SLC35A5: variants seen among roughly 807,000 people sequenced by gnomAD.
The protein encoded by SLC35A5 is UDP-sugar transporter protein SLC35A5.
SLC35A5 carries 28 observed loss-of-function variants against 36.3 expected under a neutral mutation model. That is an observed-to-expected ratio of 0.77 (90% CI 0.57 to 1.06). SLC35A5 has a LOEUF of 1.06. Among genes scored for constraint, SLC35A5 ranks in the 50% least tolerant of loss-of-function variants. The probability of loss-of-function intolerance (pLI) is 0.00; values close to 1 mark genes in which losing one functional copy is unlikely to be tolerated. For missense variants in SLC35A5, 521 were observed against 499.3 expected (o/e 1.04, Z -0.41); for synonymous variants, 180 against 173.7 (o/e 1.04, Z -0.29).
Position 112,583,625 on chromosome 3 carries a change from C to G in SLC35A5, c.*889C>G, listed in dbSNP as rs748684945. 2 of 152,212 alleles carry G rather than the reference C, an allele frequency of 1.3e-5. No individual in the cohort carries two copies. Among genetic ancestry groups the G allele is most frequent in the Non-Finnish European group, 2.9e-5 (2 of 68,156 alleles). 9.4% of individuals were successfully genotyped at this position (152,212 alleles called of 1,614,324 possible). The stretch of plus-strand genomic sequence containing the variant: ...TTGAAATGCTGGCTTCAGAATCATA[C>G]CAGATTGTCAGTGAAGCTGATGCCT... On this transcript the variant is annotated 3_prime_UTR_variant, in exon 7 of 7. Coordinates refer to ENST00000492406, the MANE Select transcript of SLC35A5 (RefSeq NM_017945.5).
chr3:112,580,857 A>G lies in SLC35A5; in HGVS notation c.740A>G (p.Asn247Ser). ...IVQCFISSMA[N>S]IYNEKILKEG... ...CAGTGTTTTATTTCTTCAATGGCTA[A>G]TATCTATAATGAAAAGATACTGAAG... The change falls in exon 6 of 7, where the codon AAT (asparagine) becomes AGT (serine). Residue 247 changes from asparagine (N) to serine (S), a missense_variant. Physicochemically the swap from Asn to Ser is conservative, Grantham distance 46. Transcript: ENST00000492406. 1.2e-6 allele frequency: 2 copies of G among 1,614,176 alleles called. No homozygotes were observed. Among genetic ancestry groups the G allele is most frequent in the Admixed American group, 3.3e-5 (2 of 60,012 alleles).
chr3:112,569,332 A>G (rs1934334360), intron 3 of SLC35A5, 63 bp downstream of exon 3: 16 of 1,267,552 alleles, frequency 1.3e-5, no homozygotes, highest in East Asian at 2.3e-5. Flanking sequence ...TAGAACTGGA[A>G]GGAACATTTT....
At chr3:112,569,992 C>T (rs1343738356) in intron 3 of SLC35A5, among the ~76,000 whole-genome samples, 5 of 152,224 alleles carry the variant, frequency 3.3e-5, no homozygotes, top group African/African-American at 1.2e-4. Context: ...TCATAAAACT[C>T]AATGCATTAT....
chr3:112,561,822 G>A (rs1181141135), upstream of SLC35A5: 4 of 410,992 alleles, frequency 9.7e-6, no homozygotes, highest in Admixed American at 4.8e-5. Flanking sequence ...GGAGACCTGA[G>A]GTGAGAAGCG....
intron 2 of SLC35A5, among the ~76,000 whole-genome samples, chr3:112,568,467 T>A (rs1934296033): frequency 6.6e-6 from 1 of 152,216 alleles, no homozygotes; most frequent in Non-Finnish European, 1.5e-5. Context: ...TAAGATGAAG[T>A]CATACCAACC....
At chr3:112,571,929 T>G (rs1360831403) in intron 4 of SLC35A5, among the ~76,000 whole-genome samples, 3 of 15,448 alleles carry the variant, frequency 1.9e-4, no homozygotes, top group Non-Finnish European at 1.2e-3. Flanking sequence ...CACAGTTTTT[T>G]TTTTTTTTTT....
intron 5 of SLC35A5, 77 bp downstream of exon 5, chr3:112,574,033 C>A: frequency 1.6e-6 from 2 of 1,272,474 alleles, no homozygotes; most frequent in Non-Finnish European, 2.3e-6. Context: ...ACCCAGAACA[C>A]TGAGCCGTCA....
At chr3:112,563,277 G>C (rs1381758732) in intron 1 of SLC35A5, 108 bp from the exon 2 acceptor site, 1 of 992,532 alleles carries the variant, frequency 1.0e-6, no homozygotes, top group Non-Finnish European at 1.4e-6. Context: ...TGCTGATATA[G>C]TCATAGCCAA....
chr3:112,569,660 C>G (rs1228899605), intron 3 of SLC35A5, among the ~76,000 whole-genome samples: 1 of 152,226 alleles, frequency 6.6e-6, no homozygotes, highest in Non-Finnish European at 1.5e-5. Context: ...AGTGCACAGG[C>G]ATCAAAGAGA....
intron 6 of SLC35A5, among the ~76,000 whole-genome samples, chr3:112,581,721 A>G (rs1934940236): frequency 6.6e-6 from 1 of 152,150 alleles, no homozygotes; most frequent in South Asian, 2.1e-4. Flanking sequence ...TTTCTTTTCC[A>G]CCATAGTTAG....
intron 3 of SLC35A5, among the ~76,000 whole-genome samples, chr3:112,569,984 A>G (rs1467846290): frequency 1.3e-5 from 2 of 152,202 alleles, no homozygotes; most frequent in Non-Finnish European, 2.9e-5. Flanking sequence ...TCTTAATCTC[A>G]TAAAACTCAA....
rs1371833928 is a variant in SLC35A5, at chr3:112,580,692, G to A, written c.575G>A (p.Cys192Tyr). 6.2e-7 allele frequency: 1 copy of A among 1,614,080 alleles called. No homozygotes were observed. The highest frequency in any genetic ancestry group is 1.7e-5 in the Admixed American group (1 of 60,006). Reference sequence around the variant, plus strand: ...GCCTTTTTCAGCCCTTCCAATTCCTGCCTTCTTTTCAGAAGTGAGTGTCCC... The same window carrying A: ...GCCTTTTTCAGCCCTTCCAATTCCTACCTTCTTTTCAGAAGTGAGTGTCCC... The part of the protein sequence containing the change: ...HDAFFSPSNS[C>Y]LLFRSECPRK... Residue 192 changes from cysteine (C) to tyrosine (Y), a missense_variant, in exon 6 of 7, where the codon TGC becomes TAC. Cys to Tyr is a radical substitution (Grantham distance 194, BLOSUM62 -2). Coordinates refer to ENST00000492406, the MANE Select transcript of SLC35A5 (RefSeq NM_017945.5).
chr3:112,569,544 A>T (rs534903948), intron 3 of SLC35A5, among the ~76,000 whole-genome samples: 150 of 152,332 alleles, frequency 9.8e-4, no homozygotes, highest in African/African-American at 3.4e-3. Flanking sequence ...TGATAGTTTC[A>T]TACAGTAAGT....
At chr3:112,572,118 A>G (rs1395573981) in intron 4 of SLC35A5, among the ~76,000 whole-genome samples, 1 of 148,664 alleles carries the variant, frequency 6.7e-6, no homozygotes, top group Admixed American at 6.7e-5. Flanking sequence ...AATTTTTTGT[A>G]TTTTTAGTAG....
intron 4 of SLC35A5, among the ~76,000 whole-genome samples, 194 bp from the exon 5 acceptor site, chr3:112,573,695 A>G (rs1402536484): frequency 3.3e-5 from 5 of 152,266 alleles, no homozygotes; most frequent in Non-Finnish European, 4.4e-5. Flanking sequence ...ATGCCTGGAC[A>G]ATAATTTGAT....
rs1169933225 is a variant in SLC35A5 at position 112,581,157 on chromosome 3, C to G, written c.1040C>G (p.Ser347Cys). The G allele has an allele frequency of 6.2e-7, 1 of 1,613,998 alleles. No individual in the cohort carries two copies. The stretch of plus-strand genomic sequence containing the variant: ...ACCACTGTCATTATCACAACAGTGT[C>G]TGTCCTGGTCTTTGACTTCAGGCCC... ...QVTTVIITTV[S>C]VLVFDFRPSL... The change falls in exon 6 of 7, where the codon TCT becomes TGT. Residue 347 changes from serine (S) to cysteine (C), a missense_variant. Physicochemically the swap from Ser to Cys is moderately radical, Grantham distance 112. Coordinates refer to ENST00000492406, the MANE Select transcript of SLC35A5 (RefSeq NM_017945.5).
chr3:112,572,469 G>A (rs1934491195), intron 4 of SLC35A5, among the ~76,000 whole-genome samples: 1 of 152,062 alleles, frequency 6.6e-6, no homozygotes, highest in Non-Finnish European at 1.5e-5. Flanking sequence ...CCATTTTTGA[G>A]AATTGCTGTC....
chr3:112,564,541 G>A (rs1480347178), intron 2 of SLC35A5, among the ~76,000 whole-genome samples: 4 of 152,028 alleles, frequency 2.6e-5, no homozygotes, highest in Admixed American at 2.6e-4. Context: ...GCCCAGGGAC[G>A]AGCAGGAGAC....
At chr3:112,581,681 C>T (rs944081479) in intron 6 of SLC35A5, among the ~76,000 whole-genome samples, 6 of 152,150 alleles carry the variant, frequency 3.9e-5, no homozygotes, top group East Asian at 1.9e-4. Context: ...AGAACTGGTA[C>T]ACCTATGTCT....
Sources: gnomAD v4.1 joint callset for allele counts (sites outside exome capture counted in the v4.1 genomes callset) on GRCh38, gnomAD v4.1.1 for gene constraint, MANE v1.5 for transcripts, NCBI Gene and HGNC (gene_info 2026-07-23, HGNC 2026-07-21) for gene names.